Variants in SH2D3A observed in about 807,000 individuals in gnomAD.
The protein encoded by SH2D3A is SH2 domain-containing protein 3A.
In SH2D3A, 46 loss-of-function variants were observed where a neutral mutation model predicts 50.6. The observed-to-expected ratio is 0.91, with a 90% CI of 0.72 to 1.16. The LOEUF (loss-of-function observed/expected upper bound fraction) is 1.16. Among genes scored for constraint, SH2D3A ranks in the 50% most tolerant of loss-of-function variants. The pLI is 0.00. For missense variants in SH2D3A, 783 were observed against 786.2 expected, an observed-to-expected ratio of 1.00 and a Z score of 0.05; for synonymous variants, 377 against 348.4, an observed-to-expected ratio of 1.08 and a Z score of -0.91.
At position 6,754,072 on chromosome 19, in the gene SH2D3A, C is replaced by T. The variant is rs1203616918; in HGVS notation, c.1364G>A (p.Arg455Gln). 9 of 1,609,752 alleles carry T rather than the reference C, an allele frequency of 5.6e-6. No individual in the cohort carries two copies. In the South Asian group the frequency reaches 8.8e-5, roughly 16 times the overall value. The change falls in exon 8 of 10, where the codon CGG (arginine) becomes CAG (glutamine). Residue 455 changes from arginine to glutamine, a missense_variant. Arg to Gln is a conservative substitution (Grantham distance 43, BLOSUM62 1). Transcript: ENST00000245908. ...AFEQELKPLM[R>Q]ALDEGAGPCD... ...CTTACCAGCGCCCTCATCCAGAGCC[C>T]GCATCAGCGGCTTCAGCTCCTGCTC...
chr19:6,754,306 G>A lies in SH2D3A; in HGVS notation c.1217C>T (p.Ala406Val). The A allele has an allele frequency of 6.4e-7, 1 of 1,570,214 alleles. No individual in the cohort carries two copies. Among genetic ancestry groups the A allele is most frequent in the Non-Finnish European group, 8.6e-7 (1 of 1,164,420 alleles). ...VELALALRPG[A>V]AGDLPGLAAV... ...AGCCAGCCCGGGCAGGTCCCCCGCCGCCCCTGGCCGCAGCGCCAGCGCCAG... is the reference window on the plus strand; with the variant it reads ...AGCCAGCCCGGGCAGGTCCCCCGCCACCCCTGGCCGCAGCGCCAGCGCCAG... The change falls in exon 7 of 10, where the codon GCG becomes GTG. Residue 406 changes from alanine (A) to valine (V), a missense_variant. By Grantham distance (64) the Ala-to-Val change is moderately conservative. Transcript: ENST00000245908.
In SH2D3A at chr19:6,754,970, C is replaced by T; in HGVS notation, c.842G>A (p.Cys281Tyr). Residue 281 changes from cysteine to tyrosine, a missense_variant, in exon 5 of 10, where the codon TGC becomes TAC. Cys to Tyr is a radical substitution (Grantham distance 194). Transcript: ENST00000245908. The part of the protein sequence containing the change: ...FTRPQAEISF[C>Y]PHDAPSCLLG... ...CAGGCAGGAGGGGGCATCATGGGGG[C>T]AGAAAGAGATCTCAGCCTGTGGTCT... 6.2e-7 allele frequency: 1 copy of T among 1,613,900 alleles called. No individual in the cohort carries two copies. Among genetic ancestry groups the T allele is most frequent in the South Asian group, 1.1e-5 (1 of 91,074 alleles).
At chr19:6,759,354 C>T (rs1472246481) in intron 4 of SH2D3A, 1 of 375,030 alleles carries the variant, frequency 2.7e-6, no homozygotes, top group African/African-American at 2.1e-5. Context: ...CTCAAGTGAT[C>T]CACCGGCCTC....
Position 6,752,576 on chromosome 19 carries a change from G to C in SH2D3A, c.*17C>G. 6.6e-7 allele frequency: 1 copy of C among 1,524,042 alleles called. No homozygotes were observed. Among genetic ancestry groups the C allele is most frequent in the Non-Finnish European group, 8.8e-7 (1 of 1,131,726 alleles). 94.4% of individuals were successfully genotyped at this position (1,524,042 alleles called of 1,614,324 possible). On this transcript the variant is annotated 3_prime_UTR_variant, in exon 10 of 10. Coordinates refer to ENST00000245908, the MANE Select transcript of SH2D3A (RefSeq NM_005490.3). Reference sequence around the variant, plus strand: ...AAAACCTGGGGGTCCCGGGTGTGAAGAAGGGTGTCTGCGCTCTCAGCGGTC... The same window carrying C: ...AAAACCTGGGGGTCCCGGGTGTGAACAAGGGTGTCTGCGCTCTCAGCGGTC...
Position 6,752,667 on chromosome 19 carries a change from G to C in SH2D3A, c.1657C>G (p.Pro553Ala). 6.4e-7 allele frequency: 1 copy of C among 1,554,214 alleles called. No individual in the cohort carries two copies. Among genetic ancestry groups the C allele is most frequent in the Non-Finnish European group, 8.7e-7 (1 of 1,149,034 alleles). ...AACTTCTCAAAGCGTTCAGCGCGCGGAGCTCCCGCGCCCCGGCTACCCCAG... is the reference window on the plus strand; with the variant it reads ...AACTTCTCAAAGCGTTCAGCGCGCGCAGCTCCCGCGCCCCGGCTACCCCAG... ...LLWGSRGAGA[P>A]RAERFEKFQR... Residue 553 changes from proline to alanine, a missense_variant, in exon 10 of 10, where the codon CCG becomes GCG. Coordinates refer to ENST00000245908, the MANE Select transcript of SH2D3A (RefSeq NM_005490.3).
rs146265436 is a variant in SH2D3A at position 6,760,896 on chromosome 19, C to A, written c.161G>T (p.Arg54Leu). 16 of 1,614,096 alleles carry A rather than the reference C, an allele frequency of 9.9e-6. No individual in the cohort carries two copies. The East Asian group carries it at 3.6e-4, about 36-fold the overall frequency. Residue 54 changes from arginine to leucine, a missense_variant, in exon 3 of 10, where the codon CGG (arginine) becomes CTG (leucine). Coordinates refer to ENST00000245908, the MANE Select transcript of SH2D3A (RefSeq NM_005490.3). ...CACCTCAAAATGGAGGGCTGAGCCC[C>A]GCCAGCGGCAGGAGATCACGGGGTT... ...GGNPVISCRW[R>L]GSALHFEVFR... is the part of the protein sequence containing the mutation.
intron 9 of SH2D3A, 77 bp from the exon 10 acceptor site, chr19:6,752,830 T>C: frequency 1.4e-6 from 2 of 1,440,736 alleles, no homozygotes; most frequent in East Asian, 2.5e-5. Context: ...GGCACCTTCC[T>C]TTCCCCAGAG....
chr19:6,763,283 T>C (rs963007430), intron 2 of SH2D3A, among the ~76,000 whole-genome samples: 28 of 152,000 alleles, frequency 1.8e-4, no homozygotes, highest in Middle Eastern at 3.4e-3. Flanking sequence ...AGGCTGGTCT[T>C]GAACTCCTGA....
In SH2D3A at chr19:6,765,637, A is replaced by T. The variant is rs1191749185; in HGVS notation, c.-69+1750T>A. On this transcript the variant is annotated intron_variant, in intron 1 of 9. Transcript: ENST00000245908. ...GTGGCGTGTGCCTGTAGTCCCAGCT[A>T]CTCAGGAGGCTGAGGAGAGAGAATC... Among the ~76,000 whole-genome samples, 3 of 151,282 alleles carry T rather than the reference A, an allele frequency of 2.0e-5. No individual in the cohort carries two copies. The Admixed American group carries it at 2.0e-4, about 10-fold the overall frequency.
chr19:6,754,747 G>C lies in SH2D3A; in HGVS notation c.982-16C>G, dbSNP rs745406105. 6.2e-7 allele frequency: 1 copy of C among 1,613,876 alleles called. No homozygotes were observed. The highest frequency in any genetic ancestry group is 8.5e-7 in the Non-Finnish European group (1 of 1,179,762). On this transcript the variant is annotated splice_polypyrimidine_tract_variant and intron_variant, in intron 5 of 9. Coordinates refer to ENST00000245908, the MANE Select transcript of SH2D3A (RefSeq NM_005490.3). ...GGCCTGTGGCCTGCAGAAGGGAATG[G>C]GGAAGTCAGGTGAAGCGTGATTATG...
intron 9 of SH2D3A, 75 bp from the exon 10 acceptor site, chr19:6,752,828 C>A (rs1025761543): frequency 3.0e-5 from 43 of 1,441,638 alleles, no homozygotes; most frequent in Non-Finnish European, 3.9e-5. Context: ...CCGGCACCTT[C>A]CTTTCCCCAG....
intron 2 of SH2D3A, among the ~76,000 whole-genome samples, chr19:6,761,444 C>T (rs1018740515): frequency 1.4e-4 from 21 of 152,194 alleles, no homozygotes; most frequent in African/African-American, 5.1e-4. Flanking sequence ...AACATGTTGA[C>T]TGTGTTTAGC....
In SH2D3A at chr19:6,752,495, C is replaced by A. The variant is rs1969369304; in HGVS notation, c.*98G>T. The A allele has an allele frequency of 8.3e-7, 1 of 1,203,512 alleles. No homozygotes were observed. Among genetic ancestry groups the A allele is most frequent in the African/African-American group, 1.5e-5 (1 of 65,424 alleles). The allele number at this position is 1,203,512 out of a possible 1,614,324, so 74.6% of individuals were successfully genotyped here. A position where few individuals can be genotyped will look rare whatever the true frequency, so the allele number is the denominator to read the frequency against. On this transcript the variant is annotated 3_prime_UTR_variant, in exon 10 of 10. Transcript: ENST00000245908. Reference sequence around the variant, plus strand: ...CTTCTGTGAGGCACAGGGCAGGATTCCACCTGAGGCGCGAGGAGCCTGGGA... The same window carrying A: ...CTTCTGTGAGGCACAGGGCAGGATTACACCTGAGGCGCGAGGAGCCTGGGA...
chr19:6,754,644 G>A lies in SH2D3A; in HGVS notation c.1069C>T (p.His357Tyr), dbSNP rs898916168. 7 of 1,614,122 alleles carry A rather than the reference G, an allele frequency of 4.3e-6. No individual in the cohort carries two copies. The highest frequency in any genetic ancestry group is 5.1e-6 in the Non-Finnish European group (6 of 1,180,046). ...TCCAGCAGTTCCAACCTCAAGTGGT[G>A]TCCATGGGGAAGAGTGAGCAGCTCC... ...GLELLTLPHG[H>Y]HLRLELLERH... is the part of the protein sequence containing the mutation. The change falls in exon 6 of 10, where the codon CAC becomes TAC. Residue 357 changes from histidine (H) to tyrosine (Y), a missense_variant. By Grantham distance (83) the His-to-Tyr change is moderately conservative. Transcript: ENST00000245908.
intron 7 of SH2D3A, 34 bp downstream of exon 7, chr19:6,754,217 C>T: frequency 6.2e-7 from 1 of 1,605,364 alleles, no homozygotes; most frequent in Non-Finnish European, 8.5e-7. Context: ...GTCACCCGCA[C>T]TCCAGCTTCC....
intron 1 of SH2D3A, among the ~76,000 whole-genome samples, chr19:6,765,946 C>T (rs940401992): frequency 6.6e-6 from 1 of 152,132 alleles, no homozygotes; most frequent in Non-Finnish European, 1.5e-5. Flanking sequence ...GGCCTCAGGG[C>T]CAGTGTGTCT....
intron 2 of SH2D3A, among the ~76,000 whole-genome samples, chr19:6,761,954 C>CAAAA (rs111334954): frequency 3.0e-5 from 2 of 67,460 alleles, no homozygotes; most frequent in African/African-American, 1.1e-4. Flanking sequence ...GTCTCAAAAA[C>CAAAA]AAAAAAAAAA....
chr19:6,761,258 T>A, intron 2 of SH2D3A: 1 of 421,430 alleles, frequency 2.4e-6, no homozygotes, highest in East Asian at 4.3e-5. Context: ...CTATGGGAAA[T>A]ATCCAGACCT....
In SH2D3A at chr19:6,766,566, A is replaced by T. The variant is rs1970312142; in HGVS notation, c.-69+821T>A. Among the ~76,000 whole-genome samples the T allele has an allele frequency of 2.6e-5, 4 of 152,240 alleles. No homozygotes were observed. In the South Asian group the frequency reaches 8.3e-4, roughly 31 times the overall value. Reference sequence around the variant, plus strand: ...CCACCAGCACAGGCAACACAAACACAGATGTAGGCAGGACTCGCTTTTGAC... The same window carrying T: ...CCACCAGCACAGGCAACACAAACACTGATGTAGGCAGGACTCGCTTTTGAC... On this transcript the variant is annotated intron_variant, in intron 1 of 9. Coordinates refer to ENST00000245908, the MANE Select transcript of SH2D3A (RefSeq NM_005490.3).
Sources: gnomAD v4.1 joint callset for allele counts (sites outside exome capture counted in the v4.1 genomes callset) on GRCh38, gnomAD v4.1.1 for gene constraint, MANE v1.5 for transcripts, NCBI Gene and HGNC (gene_info 2026-07-23, HGNC 2026-07-21) for gene names.